SMNDC1: variants seen among roughly 807,000 people sequenced by gnomAD.
SMNDC1 encodes survival of motor neuron-related-splicing factor 30.
In SMNDC1, 5 loss-of-function variants were observed where a neutral mutation model predicts 29.2. The observed-to-expected ratio is 0.17, with a 90% CI of 0.09 to 0.36. The LOEUF (loss-of-function observed/expected upper bound fraction) is 0.36. Among genes scored for constraint, SMNDC1 ranks in the 10% least tolerant of loss-of-function variants. The pLI, the probability that SMNDC1 is intolerant of heterozygous loss-of-function variation, is 1.00. For synonymous variants in SMNDC1, 80 were observed against 89.9 expected (o/e 0.89, Z 0.62); for missense variants, 142 against 268.5 (o/e 0.53, Z 3.29).
At chr10:110,303,236 A>C (rs1387593622) in intron 2 of SMNDC1, among the ~76,000 whole-genome samples, 1 of 152,246 alleles carries the variant, frequency 6.6e-6, no homozygotes, top group Non-Finnish European at 1.5e-5. Flanking sequence ...TTTAGTTTTT[A>C]AAAATTATGT....
chr10:110,303,929 G>C (rs1014850465), intron 1 of SMNDC1: 6 of 203,608 alleles, frequency 2.9e-5, no homozygotes, highest in African/African-American at 1.4e-4. Flanking sequence ...GCACTACTCT[G>C]TTGGAAAAGT....
intron 4 of SMNDC1, among the ~76,000 whole-genome samples, chr10:110,295,646 T>C (rs1222356065): frequency 6.6e-6 from 1 of 151,890 alleles, no homozygotes; most frequent in Non-Finnish European, 1.5e-5. Flanking sequence ...GCCTTTTTTT[T>C]TTTTTTGGCG....
At chr10:110,302,821 A>G (rs920831496) in intron 2 of SMNDC1, among the ~76,000 whole-genome samples, 1 of 152,222 alleles carries the variant, frequency 6.6e-6, no homozygotes, top group Non-Finnish European at 1.5e-5. Flanking sequence ...GGTTTTCAAA[A>G]AAAGGTTTCA....
rs2233933 is a variant in SMNDC1 at position 110,298,815 on chromosome 10, A to T, written c.121-25T>A. On this transcript the variant is annotated intron_variant, in intron 2 of 5. Coordinates refer to ENST00000369603, the MANE Select transcript of SMNDC1 (RefSeq NM_005871.4). Reference sequence around the variant, plus strand: ...CCTAAAAAAGAAAAACAAAAACTACAACATTATTTTTATAATTCTCATTGT... The same window carrying T: ...CCTAAAAAAGAAAAACAAAAACTACTACATTATTTTTATAATTCTCATTGT... The T allele has an allele frequency of 3.9e-3, 6,149 of 1,566,562 alleles. 98 individuals carry two copies. In the East Asian group the frequency reaches 0.039, roughly 10 times the overall value.
rs759637208 is a variant in SMNDC1 at position 110,297,553 on chromosome 10, T to C, written c.425+14A>G. ...GAAGATTGCACCTAAAATGGAAAAGTCAAAGTCACTTACTTTGACATGGGT... is the reference window on the plus strand; with the variant it reads ...GAAGATTGCACCTAAAATGGAAAAGCCAAAGTCACTTACTTTGACATGGGT... On this transcript the variant is annotated intron_variant, in intron 4 of 5. Coordinates refer to ENST00000369603, the MANE Select transcript of SMNDC1 (RefSeq NM_005871.4). 3.1e-6 allele frequency: 5 copies of C among 1,610,472 alleles called. No homozygotes were observed. The African/African-American group carries it at 6.7e-5, about 22-fold the overall frequency.
intron 5 of SMNDC1, 68 bp downstream of exon 5, chr10:110,295,160 T>G: frequency 7.0e-7 from 1 of 1,424,002 alleles, no homozygotes; most frequent in Non-Finnish European, 9.5e-7. Flanking sequence ...CCATCTCTTT[T>G]CATTTTAAAG....
chr10:110,302,413 A>T (rs1857666281), intron 2 of SMNDC1, among the ~76,000 whole-genome samples: 1 of 152,244 alleles, frequency 6.6e-6, no homozygotes, highest in Non-Finnish European at 1.5e-5. Context: ...CTGCAATTTT[A>T]TTCTAAATGT....
chr10:110,298,088 A>T (rs1857593127), intron 3 of SMNDC1, among the ~76,000 whole-genome samples: 1 of 152,218 alleles, frequency 6.6e-6, no homozygotes, highest in African/African-American at 2.4e-5. Context: ...TCCCAGGTTC[A>T]AACAATTCTC....
At chr10:110,302,804 C>T (rs190359276) in intron 2 of SMNDC1, among the ~76,000 whole-genome samples, 5 of 152,294 alleles carry the variant, frequency 3.3e-5, no homozygotes, top group Admixed American at 2.6e-4. Context: ...CTTGAAATCC[C>T]AGTGCAGGTT....
At chr10:110,299,649 C>T (rs1253063306) in intron 2 of SMNDC1, among the ~76,000 whole-genome samples, 1 of 152,216 alleles carries the variant, frequency 6.6e-6, no homozygotes, top group Non-Finnish European at 1.5e-5. Flanking sequence ...GATCTAAGAA[C>T]TTGCATAGCT....
In SMNDC1 at chr10:110,294,110, T is replaced by C; in HGVS notation, c.*40A>G. Reference sequence around the variant, plus strand: ...AAAAATATAAGGATAAAAAGGTAAATGTAAAGCCCTGCAGAGATGAAATCC... The same window carrying C: ...AAAAATATAAGGATAAAAAGGTAAACGTAAAGCCCTGCAGAGATGAAATCC... On this transcript the variant is annotated 3_prime_UTR_variant, in exon 6 of 6. Coordinates refer to ENST00000369603, the MANE Select transcript of SMNDC1 (RefSeq NM_005871.4). 1 of 1,458,940 alleles carries C rather than the reference T, an allele frequency of 6.9e-7. No individual in the cohort carries two copies. 90.4% of individuals were successfully genotyped at this position (1,458,940 alleles called of 1,614,324 possible).
At position 110,294,885 on chromosome 10, in the gene SMNDC1, A is replaced by C. The variant is rs1361161243; in HGVS notation, c.579+343T>G. On this transcript the variant is annotated intron_variant, in intron 5 of 5. Coordinates refer to ENST00000369603, the MANE Select transcript of SMNDC1 (RefSeq NM_005871.4). ...GGGAAACTGAATGCACTTTTAAATA[A>C]AATCTACCAGTGATGCCCAGCATGA... Among the ~76,000 whole-genome samples the C allele has an allele frequency of 2.0e-5, 3 of 152,338 alleles. No individual in the cohort carries two copies. In the East Asian group the frequency reaches 5.8e-4, roughly 29 times the overall value.
rs1236127019 is a variant in SMNDC1 at position 110,293,247 on chromosome 10, G to A, written c.*903C>T. The stretch of plus-strand genomic sequence containing the variant: ...ATCTAATTAACAAAAATTACAAACA[G>A]CTAAATGAACATAATATACAGGGAA... On this transcript the variant is annotated 3_prime_UTR_variant, in exon 6 of 6. Transcript: ENST00000369603. The A allele has an allele frequency of 2.0e-5, 3 of 152,486 alleles. No homozygotes were observed. The highest frequency in any genetic ancestry group is 4.8e-5 in the African/African-American group (2 of 41,400). 9.4% of individuals were successfully genotyped at this position (152,486 alleles called of 1,614,324 possible).
intron 2 of SMNDC1, chr10:110,300,570 A>T (rs1857631328): frequency 1.0e-6 from 1 of 985,312 alleles, no homozygotes; most frequent in South Asian, 4.7e-5. Context: ...TCCTCCCTCA[A>T]GTCTGAGTTC....
At position 110,291,036 on chromosome 10, in the gene SMNDC1, A is replaced by G. The variant is rs1857494080; in HGVS notation, c.*3114T>C. On this transcript the variant is annotated 3_prime_UTR_variant, in exon 6 of 6. Coordinates refer to ENST00000369603, the MANE Select transcript of SMNDC1 (RefSeq NM_005871.4). ...CACACCCTTCATTGTGACAACAAGCAATTTTTTAAAAAAAATGTGTTGCTA... is the reference window on the plus strand; with the variant it reads ...CACACCCTTCATTGTGACAACAAGCGATTTTTTAAAAAAAATGTGTTGCTA... The G allele has an allele frequency of 6.6e-6, 1 of 152,232 alleles. No individual in the cohort carries two copies. The highest frequency in any genetic ancestry group is 2.4e-5 in the African/African-American group (1 of 41,450). 9.4% of individuals were successfully genotyped at this position (152,232 alleles called of 1,614,324 possible).
rs903361800 is a variant in SMNDC1 at position 110,295,472 on chromosome 10, AATAAAC to A, written c.426-97_426-92del. 4.4e-6 allele frequency: 4 copies of A among 916,164 alleles called. No individual in the cohort carries two copies. In the African/African-American group the frequency reaches 6.9e-5, roughly 16 times the overall value. 56.8% of individuals were successfully genotyped at this position (916,164 alleles called of 1,614,324 possible). A position where few individuals can be genotyped will look rare whatever the true frequency, so the allele number is the denominator to read the frequency against. On this transcript the variant is annotated intron_variant, in intron 4 of 5. Coordinates refer to ENST00000369603, the MANE Select transcript of SMNDC1 (RefSeq NM_005871.4). ...CACCGGCAGTGCAAAAAAAAAATCT[AATAAAC>A]ATATACAATGGTCTATGAATAAAAA... is the stretch of plus-strand genomic sequence containing the variant.
chr10:110,303,344 C>T, intron 2 of SMNDC1, 124 bp downstream of exon 2: 1 of 743,528 alleles, frequency 1.3e-6, no homozygotes, highest in Non-Finnish European at 2.1e-6. Flanking sequence ...AGCAATGGTA[C>T]CTACAGAATT....
intron 5 of SMNDC1, 42 bp downstream of exon 5, chr10:110,295,186 T>C (rs748828114): frequency 2.6e-6 from 4 of 1,528,360 alleles, no homozygotes; most frequent in African/African-American, 1.4e-5. Flanking sequence ...TTAATGACAG[T>C]TGCATTTCTC....
chr10:110,301,744 T>C (rs551513095), intron 2 of SMNDC1, among the ~76,000 whole-genome samples: 2 of 152,272 alleles, frequency 1.3e-5, no homozygotes, highest in East Asian at 3.9e-4. Flanking sequence ...GAAAAGAGGA[T>C]ACTTTACAGA....
Sources: gnomAD v4.1 joint callset for allele counts (sites outside exome capture counted in the v4.1 genomes callset) on GRCh38, gnomAD v4.1.1 for gene constraint, MANE v1.5 for transcripts, NCBI Gene and HGNC (gene_info 2026-07-23, HGNC 2026-07-21) for gene names.